The following PPP1R12B variants were observed in gnomAD, a reference collection of about 807,000 sequenced individuals.
The protein encoded by PPP1R12B is protein phosphatase 1 regulatory subunit 12B, also known as myosin phosphatase target subunit 2.
Under a neutral mutation model 126.1 loss-of-function variants are expected in PPP1R12B, and 76 were observed. That is an observed-to-expected ratio of 0.60 (90% confidence interval 0.50 to 0.73). The LOEUF (loss-of-function observed/expected upper bound fraction) is 0.73, where lower values mean the gene tolerates loss of function less well. Ranked by LOEUF, PPP1R12B falls within the 30% of genes least tolerant of loss-of-function variation. PPP1R12B has a pLI of 0.00. For missense variants in PPP1R12B, 1,052 were observed against 1,205.1 expected, an observed-to-expected ratio of 0.87 and a Z score of 1.88; for synonymous variants, 356 against 434.7, an observed-to-expected ratio of 0.82 and a Z score of 2.25.
chr1:202,574,158 C>T (rs565818398), intron 23 of PPP1R12B, among the ~76,000 whole-genome samples: 3 of 112,202 alleles, frequency 2.7e-5, no homozygotes, highest in Admixed American at 1.1e-4. Context: ...CTAAACAGTA[C>T]ATGCCCCACA....
chr1:202,439,222 C>A (rs187190826), intron 10 of PPP1R12B: 2 of 1,401,788 alleles, frequency 1.4e-6, no homozygotes, highest in African/African-American at 2.8e-5. Flanking sequence ...CCTGCAGCCT[C>A]GTTGGAGCAC....
chr1:202,547,083 T>G (rs1685724208), intron 18 of PPP1R12B, among the ~76,000 whole-genome samples: 1 of 152,234 alleles, frequency 6.6e-6, no homozygotes, highest in South Asian at 2.1e-4. Context: ...TTATGAGTTT[T>G]GTGTTGGGTT....
chr1:202,521,762 A>AC (rs1682815525), intron 18 of PPP1R12B, among the ~76,000 whole-genome samples: 3 of 151,802 alleles, frequency 2.0e-5, no homozygotes, highest in African/African-American at 7.2e-5. Flanking sequence ...TGCAAAGGAG[A>AC]AAAAAGAATG....
intron 1 of PPP1R12B, among the ~76,000 whole-genome samples, chr1:202,392,313 T>A: frequency 6.6e-6 from 1 of 152,198 alleles, no homozygotes; most frequent in Non-Finnish European, 1.5e-5. Context: ...AATGAAATAC[T>A]GATTCATGCT....
chr1:202,547,347 G>C (rs544875456), intron 18 of PPP1R12B, among the ~76,000 whole-genome samples: 3 of 152,134 alleles, frequency 2.0e-5, no homozygotes, highest in African/African-American at 7.2e-5. Flanking sequence ...TCTTGACCTG[G>C]TTATCATGCA....
chr1:202,552,606 G>A (rs1182098865), intron 18 of PPP1R12B, among the ~76,000 whole-genome samples: 1 of 152,176 alleles, frequency 6.6e-6, no homozygotes, highest in East Asian at 1.9e-4. Context: ...GAAAGAAGAT[G>A]GTTCTCTGTA....
intron 1 of PPP1R12B, among the ~76,000 whole-genome samples, chr1:202,350,274 C>G (rs1158503009): frequency 6.6e-6 from 1 of 152,124 alleles, no homozygotes; most frequent in Non-Finnish European, 1.5e-5. Flanking sequence ...TATTTCCCCA[C>G]CTGAGGTAGT....
At chr1:202,539,123 T>C (rs1684848280) in intron 18 of PPP1R12B, among the ~76,000 whole-genome samples, 2 of 152,188 alleles carry the variant, frequency 1.3e-5, no homozygotes, top group Admixed American at 6.5e-5. Flanking sequence ...AATTTTTCTG[T>C]CTGGGCGTTG....
intron 23 of PPP1R12B, among the ~76,000 whole-genome samples, chr1:202,579,022 A>T (rs939404595): frequency 2.0e-5 from 3 of 152,148 alleles, no homozygotes; most frequent in African/African-American, 7.2e-5. Context: ...TCATTTCCCC[A>T]TTTGTAGAAA....
chr1:202,575,218 G>T, intron 23 of PPP1R12B: 1 of 1,491,116 alleles, frequency 6.7e-7, no homozygotes. Context: ...CAGAAGCTCT[G>T]TGCTCATCCC....
chr1:202,566,718 C>T (rs992860354), intron 21 of PPP1R12B, among the ~76,000 whole-genome samples: 3 of 152,180 alleles, frequency 2.0e-5, no homozygotes, highest in Non-Finnish European at 4.4e-5. Context: ...TAAAGGCAGA[C>T]AGCCATGCCC....
rs1445355493 is a variant in PPP1R12B, at chr1:202,582,361, T to TGAAA, written c.*1801_*1802insGAAA. On this transcript the variant is annotated 3_prime_UTR_variant, in exon 24 of 24. Coordinates refer to ENST00000608999, the MANE Select transcript of PPP1R12B (RefSeq NM_002481.4). Reference sequence around the variant, plus strand: ...GTTCTTGATGATAACCTAGCATTAATACTTACAGTATTTTCTTTTTGTAGG... The same window carrying TGAAA: ...GTTCTTGATGATAACCTAGCATTAATGAAAACTTACAGTATTTTCTTTTTGTAGG... The TGAAA allele has an allele frequency of 6.5e-6, 1 of 152,690 alleles. No individual in the cohort carries two copies. Among genetic ancestry groups the TGAAA allele is most frequent in the African/African-American group, 2.4e-5 (1 of 41,458 alleles). 9.5% of individuals were successfully genotyped at this position (152,690 alleles called of 1,614,324 possible). A position where few individuals can be genotyped will look rare whatever the true frequency, so the allele number is the denominator to read the frequency against.
intron 18 of PPP1R12B, among the ~76,000 whole-genome samples, chr1:202,522,869 A>G (rs1479884895): frequency 3.9e-5 from 6 of 152,186 alleles, no homozygotes; most frequent in Non-Finnish European, 1.5e-5. Context: ...ATATAAAATG[A>G]CTCTAGATAC....
At chr1:202,489,189 CT>C (rs1678548964) in intron 14 of PPP1R12B, among the ~76,000 whole-genome samples, 1 of 152,214 alleles carries the variant, frequency 6.6e-6, no homozygotes, top group African/African-American at 2.4e-5. Flanking sequence ...TTCCTCCAGG[CT>C]TAGAACAGGT....
rs573103698 is a variant in PPP1R12B at position 202,388,977 on chromosome 1, T to A, written c.292-27810T>A. Among the ~76,000 whole-genome samples the A allele has an allele frequency of 2.6e-5, 4 of 152,252 alleles. No individual in the cohort carries two copies. The South Asian group carries it at 8.3e-4, about 32-fold the overall frequency. ...AGAAATAGAGACTCCAGAAACAGAC[T>A]CAATTACAGATAGGAATTTAATTTT... On this transcript the variant is annotated intron_variant, in intron 1 of 23. Coordinates refer to ENST00000608999, the MANE Select transcript of PPP1R12B (RefSeq NM_002481.4).
At chr1:202,520,375 T>G (rs1384113518) in intron 18 of PPP1R12B, among the ~76,000 whole-genome samples, 1 of 152,150 alleles carries the variant, frequency 6.6e-6, no homozygotes, top group Non-Finnish European at 1.5e-5. Context: ...TGGTACTTAT[T>G]ACAGGACTCT....
At chr1:202,449,988 C>T (rs940133633) in intron 13 of PPP1R12B, among the ~76,000 whole-genome samples, 1 of 152,122 alleles carries the variant, frequency 6.6e-6, no homozygotes, top group African/African-American at 2.4e-5. Flanking sequence ...TCCCGGCTGT[C>T]GTTATGGATT....
In PPP1R12B at chr1:202,438,095, C is replaced by G. The variant is rs568794998; in HGVS notation, c.1458+71C>G. Reference sequence around the variant, plus strand: ...TTCCATGAAAATTCAATCTTAGGAACAAATGAAAATATTTTCTAGTCCTTA... The same window carrying G: ...TTCCATGAAAATTCAATCTTAGGAAGAAATGAAAATATTTTCTAGTCCTTA... On this transcript the variant is annotated intron_variant, in intron 10 of 23. Transcript: ENST00000608999. 1.4e-5 allele frequency: 22 copies of G among 1,601,188 alleles called. No individual in the cohort carries two copies. In the African/African-American group the frequency reaches 2.3e-4, roughly 17 times the overall value.
chr1:202,357,010 C>T (rs1657233551), intron 1 of PPP1R12B, among the ~76,000 whole-genome samples: 3 of 151,890 alleles, frequency 2.0e-5, no homozygotes, highest in Admixed American at 1.3e-4. Flanking sequence ...TTAGTAGAGA[C>T]GTGGTTTTGC....
Sources: allele counts gnomAD v4.1 joint callset (sites outside exome capture counted in the v4.1 genomes callset), GRCh38; gene constraint gnomAD v4.1.1; transcripts MANE v1.5; gene names NCBI Gene and HGNC (gene_info 2026-07-23, HGNC 2026-07-21).